ROBO1: variants seen among roughly 807,000 people sequenced by gnomAD.
The protein encoded by ROBO1 is roundabout homolog 1.
ROBO1 carries 149 observed loss-of-function variants against 195.9 expected under a neutral mutation model. That is an observed-to-expected ratio of 0.76 (90% CI 0.67 to 0.87). ROBO1 has a LOEUF of 0.87. Among genes scored for constraint, ROBO1 ranks in the 40% least tolerant of loss-of-function variants. The pLI, the probability that ROBO1 is intolerant of heterozygous loss-of-function variation, is 0.00. For synonymous variants in ROBO1, 816 were observed against 733.2 expected (o/e 1.11, Z -1.82); for missense variants, 1,933 against 2,068.3 (o/e 0.93, Z 1.27).
intron 1 of ROBO1, among the ~76,000 whole-genome samples, chr3:79,600,511 G>A (rs1041568804): frequency 1.1e-4 from 17 of 151,854 alleles, no homozygotes; most frequent in African/African-American, 3.9e-4. Flanking sequence ...ATGTTTAGCT[G>A]GCAAATCCTG....
At chr3:79,251,706 CA>C (rs2082732804) in intron 2 of ROBO1, among the ~76,000 whole-genome samples, 1 of 151,956 alleles carries the variant, frequency 6.6e-6, no homozygotes, top group African/African-American at 2.4e-5. Flanking sequence ...TCCAAGATTG[CA>C]CCACTGCACT....
intron 2 of ROBO1, among the ~76,000 whole-genome samples, chr3:79,482,044 T>C (rs966801786): frequency 2.0e-5 from 3 of 152,198 alleles, no homozygotes; most frequent in East Asian, 1.9e-4. Context: ...AATTTATAAA[T>C]AGTTGGGAAT....
intron 3 of ROBO1, among the ~76,000 whole-genome samples, chr3:78,974,108 A>T (rs2107936346): frequency 6.6e-6 from 1 of 152,280 alleles, no homozygotes; most frequent in South Asian, 2.1e-4. Flanking sequence ...ATAATTTTTA[A>T]ACCAACTTAT....
chr3:79,490,866 G>A (rs144012203), intron 2 of ROBO1, among the ~76,000 whole-genome samples: 1 of 152,218 alleles, frequency 6.6e-6, no homozygotes, highest in South Asian at 2.1e-4. Context: ...GGTGACTCGA[G>A]GGGGACGCCT....
intron 2 of ROBO1, among the ~76,000 whole-genome samples, chr3:79,382,464 G>T (rs1202086849): frequency 3.3e-5 from 5 of 152,118 alleles, no homozygotes; most frequent in African/African-American, 1.2e-4. Context: ...AGTCTTGAAT[G>T]CTGGGCTAAA....
intron 2 of ROBO1, among the ~76,000 whole-genome samples, chr3:79,573,492 T>C (rs1943349038): frequency 6.6e-6 from 1 of 152,222 alleles, no homozygotes; most frequent in South Asian, 2.1e-4. Context: ...TATTTATTAT[T>C]CATTTATTAC....
At chr3:79,655,874 G>A (rs1331073460) in intron 1 of ROBO1, among the ~76,000 whole-genome samples, 1 of 151,994 alleles carries the variant, frequency 6.6e-6, no homozygotes, top group East Asian at 1.9e-4. Flanking sequence ...CTTATTTGAT[G>A]TACTAATAAA....
intron 3 of ROBO1, among the ~76,000 whole-genome samples, chr3:79,070,414 G>C (rs1415510963): frequency 6.6e-6 from 1 of 151,998 alleles, no homozygotes; most frequent in Non-Finnish European, 1.5e-5. Flanking sequence ...TTGTAAAATA[G>C]AGTATTTATT....
intron 8 of ROBO1, 92 bp downstream of exon 8, chr3:78,714,305 T>C: frequency 1.6e-6 from 2 of 1,260,264 alleles, no homozygotes; most frequent in Admixed American, 2.6e-5. Flanking sequence ...AGTCTATATG[T>C]AACATAGCCC....
intron 1 of ROBO1, among the ~76,000 whole-genome samples, chr3:79,739,265 C>T (rs1560146721): frequency 6.6e-6 from 1 of 152,176 alleles, no homozygotes; most frequent in Non-Finnish European, 1.5e-5. Context: ...GCCTCTAAGA[C>T]TGCCAGTTAG....
intron 2 of ROBO1, among the ~76,000 whole-genome samples, chr3:79,572,740 A>G (rs1361471331): frequency 6.6e-6 from 1 of 152,218 alleles, no homozygotes; most frequent in African/African-American, 2.4e-5. Flanking sequence ...ATTTTTAAGC[A>G]AGAAAAACAG....
intron 4 of ROBO1, among the ~76,000 whole-genome samples, chr3:78,776,847 G>T (rs2083521885): frequency 6.6e-6 from 1 of 152,064 alleles, no homozygotes; most frequent in Non-Finnish European, 1.5e-5. Context: ...AGAAAGGGAG[G>T]ATAATAAAAT....
chr3:79,413,344 T>C (rs1383828715), intron 2 of ROBO1, among the ~76,000 whole-genome samples: 31 of 152,028 alleles, frequency 2.0e-4, no homozygotes, highest in Non-Finnish European at 8.8e-5. Flanking sequence ...GCAAGAGGGA[T>C]AGGAGGAGAT....
chr3:79,621,319 C>T (rs1178190378), intron 1 of ROBO1, among the ~76,000 whole-genome samples: 1 of 152,148 alleles, frequency 6.6e-6, no homozygotes, highest in African/African-American at 2.4e-5. Context: ...TAAAACTGCC[C>T]CACCCCTATC....
intron 2 of ROBO1, among the ~76,000 whole-genome samples, chr3:79,291,072 A>C (rs1482656432): frequency 6.6e-6 from 1 of 152,140 alleles, no homozygotes; most frequent in Non-Finnish European, 1.5e-5. Flanking sequence ...CTCCACCTTA[A>C]CTAAATTAAT....
intron 1 of ROBO1, among the ~76,000 whole-genome samples, chr3:79,627,487 T>C (rs2108008985): frequency 6.6e-6 from 1 of 152,220 alleles, no homozygotes; most frequent in South Asian, 2.1e-4. Context: ...TTACATCTTA[T>C]ACAAAAATTA....
intron 2 of ROBO1, among the ~76,000 whole-genome samples, chr3:79,193,069 A>G (rs1286958521): frequency 6.6e-6 from 1 of 151,818 alleles, no homozygotes; most frequent in South Asian, 2.1e-4. Context: ...TGGTCGCCAT[A>G]GGTGACATTT....
intron 4 of ROBO1, among the ~76,000 whole-genome samples, chr3:78,788,319 C>T (rs1388819299): frequency 3.3e-5 from 5 of 150,720 alleles, no homozygotes; most frequent in Non-Finnish European, 5.9e-5. Context: ...GGGGTTTCAC[C>T]GTGTTAGCCA....
intron 2 of ROBO1, among the ~76,000 whole-genome samples, chr3:79,242,797 G>C (rs1315377962): frequency 6.6e-6 from 1 of 152,050 alleles, no homozygotes; most frequent in Admixed American, 6.6e-5. Context: ...TGCATTGACT[G>C]TCTGTGATGT....
Sources: gnomAD v4.1 joint callset for allele counts (sites outside exome capture counted in the v4.1 genomes callset) on GRCh38, gnomAD v4.1.1 for gene constraint, MANE v1.5 for transcripts, NCBI Gene and HGNC (gene_info 2026-07-23, HGNC 2026-07-21) for gene names.